POU6F2: variants seen among roughly 807,000 people sequenced by gnomAD.
POU6F2 encodes POU class 6 homeobox 2.
In POU6F2, 31 loss-of-function variants were observed where a neutral mutation model predicts 71.3. That is an observed-to-expected ratio of 0.43 (90% confidence interval 0.33 to 0.59). POU6F2 has a LOEUF of 0.59. POU6F2 is among the 20% of genes least tolerant of loss of function. The probability of loss-of-function intolerance (pLI) is 0.04; values close to 1 mark genes in which losing one functional copy is unlikely to be tolerated. For synonymous variants in POU6F2, 347 were observed against 355.7 expected (o/e 0.98, Z 0.27); for missense variants, 783 against 856.8 (o/e 0.91, Z 1.07).
intron 4 of POU6F2, among the ~76,000 whole-genome samples, chr7:39,238,522 A>G (rs562789308): frequency 6.6e-6 from 1 of 152,326 alleles, no homozygotes; most frequent in South Asian, 2.1e-4. Flanking sequence ...AGAGTTGAAT[A>G]GTTGTAACAA....
At chr7:39,088,184 GA>G (rs1370446018) in intron 2 of POU6F2, among the ~76,000 whole-genome samples, 4 of 152,124 alleles carry the variant, frequency 2.6e-5, no homozygotes, top group Admixed American at 2.6e-4. Flanking sequence ...AGATCAAGAA[GA>G]AAGCAGTAGA....
chr7:39,001,489 T>C (rs1788903116), intron 1 of POU6F2, among the ~76,000 whole-genome samples: 1 of 152,170 alleles, frequency 6.6e-6, no homozygotes, highest in African/African-American at 2.4e-5. Context: ...ATTTGTGGTA[T>C]GCACCAGAAA....
At chr7:39,093,531 T>A (rs921161276) in intron 2 of POU6F2, among the ~76,000 whole-genome samples, 1 of 152,126 alleles carries the variant, frequency 6.6e-6, no homozygotes, top group Non-Finnish European at 1.5e-5. Context: ...TATCCTGCCA[T>A]ATATTGTTTG....
chr7:39,346,543 CA>C (rs1451595879), intron 5 of POU6F2, among the ~76,000 whole-genome samples: 3 of 152,220 alleles, frequency 2.0e-5, no homozygotes, highest in Non-Finnish European at 2.9e-5. Flanking sequence ...CCTAGAGCCA[CA>C]TACACTGTCC....
intron 5 of POU6F2, among the ~76,000 whole-genome samples, chr7:39,370,456 G>A (rs1786585300): frequency 6.6e-6 from 1 of 152,200 alleles, no homozygotes; most frequent in South Asian, 2.1e-4. Context: ...GGGCTCTGAA[G>A]CTCTAGTATA....
At chr7:39,028,297 G>A (rs541705598) in intron 1 of POU6F2, among the ~76,000 whole-genome samples, 2 of 151,820 alleles carry the variant, frequency 1.3e-5, no homozygotes, top group African/African-American at 4.8e-5. Flanking sequence ...TCTGTTGCTG[G>A]GCGGACATTT....
chr7:39,325,953 G>A (rs1417619027), intron 4 of POU6F2, among the ~76,000 whole-genome samples: 2 of 152,096 alleles, frequency 1.3e-5, no homozygotes, highest in African/African-American at 4.8e-5. Context: ...AGTGAATATG[G>A]CTTATGGGTT....
chr7:39,043,512 T>C (rs976880014), intron 1 of POU6F2, among the ~76,000 whole-genome samples: 19 of 150,654 alleles, frequency 1.3e-4, no homozygotes, highest in East Asian at 1.2e-3. Flanking sequence ...ACAGGCAAAA[T>C]TGCATGTGTT....
intron 1 of POU6F2, among the ~76,000 whole-genome samples, chr7:39,057,961 C>A (rs1716746643): frequency 6.6e-6 from 1 of 152,158 alleles, no homozygotes; most frequent in Admixed American, 6.5e-5. Context: ...CTCTTTCTGT[C>A]CACCAGGCTC....
At chr7:39,182,658 TC>T (rs1793456731) in intron 2 of POU6F2, among the ~76,000 whole-genome samples, 1 of 152,180 alleles carries the variant, frequency 6.6e-6, no homozygotes, top group Non-Finnish European at 1.5e-5. Flanking sequence ...ATGTTTCTCC[TC>T]GGTTTAACTC....
At chr7:39,298,939 A>G (rs942659274) in intron 4 of POU6F2, among the ~76,000 whole-genome samples, 1 of 152,180 alleles carries the variant, frequency 6.6e-6, no homozygotes, top group South Asian at 2.1e-4. Flanking sequence ...TCTCACTTGT[A>G]AGTGGGAGTT....
At chr7:39,223,110 A>T (rs553573712) in intron 4 of POU6F2, among the ~76,000 whole-genome samples, 1 of 152,250 alleles carries the variant, frequency 6.6e-6, no homozygotes, top group African/African-American at 2.4e-5. Context: ...GTTTTGTTTT[A>T]TAGTAGCTAT....
In POU6F2 at chr7:39,373,892, A is replaced by C. The variant is rs190311235; in HGVS notation, c.973-32708A>C. On this transcript the variant is annotated intron_variant, in intron 5 of 9. Coordinates refer to ENST00000518318, the MANE Select transcript of POU6F2 (RefSeq NM_001370959.1). ...CATTCCAAAAAGAAGTTTTTTTTCAAAGAAATAATGGATTTTGAAAAATAA... is the reference window on the plus strand; with the variant it reads ...CATTCCAAAAAGAAGTTTTTTTTCACAGAAATAATGGATTTTGAAAAATAA... 7.8e-3 allele frequency among the ~76,000 whole-genome samples: 1,186 copies of C among 152,248 alleles called. 54 individuals carry two copies. The highest frequency in any genetic ancestry group is 0.072 in the Admixed American group (1,102 of 15,292).
intron 5 of POU6F2, among the ~76,000 whole-genome samples, chr7:39,401,219 A>G (rs1044356321): frequency 2.0e-5 from 3 of 152,178 alleles, no homozygotes; most frequent in African/African-American, 7.2e-5. Context: ...CTCAATCTCA[A>G]GCACCCCAGC....
At chr7:38,981,395 T>C (rs1788311968) in intron 1 of POU6F2, among the ~76,000 whole-genome samples, 1 of 152,152 alleles carries the variant, frequency 6.6e-6, no homozygotes, top group Non-Finnish European at 1.5e-5. Flanking sequence ...CTTCTGGCAC[T>C]GCTGTCCCCA....
At chr7:39,060,651 G>A (rs1337137382) in intron 1 of POU6F2, among the ~76,000 whole-genome samples, 1 of 152,186 alleles carries the variant, frequency 6.6e-6, no homozygotes, top group African/African-American at 2.4e-5. Context: ...CAACAATGCT[G>A]TGTAGCTAGA....
At chr7:39,333,090 C>T (rs971275226) in intron 4 of POU6F2, among the ~76,000 whole-genome samples, 3 of 152,146 alleles carry the variant, frequency 2.0e-5, no homozygotes, top group African/African-American at 7.2e-5. Context: ...GGGGACTTGC[C>T]ACCTCTGAGT....
chr7:39,342,606 A>G (rs555732027), intron 5 of POU6F2, among the ~76,000 whole-genome samples: 98 of 152,316 alleles, frequency 6.4e-4, no homozygotes, highest in African/African-American at 2.2e-3. Context: ...TTTTTGCTTT[A>G]AAAACAAAAC....
chr7:39,357,432 G>A lies in POU6F2; in HGVS notation c.972+17417G>A, dbSNP rs118007125. On this transcript the variant is annotated intron_variant, in intron 5 of 9. Transcript: ENST00000518318. ...AGAGGAAGCTGGTAACTCATCAAAA[G>A]TCCCACAGTTTGTAAGAGGTGGAGC... is the stretch of plus-strand genomic sequence containing the variant. 6.6e-4 allele frequency among the ~76,000 whole-genome samples: 100 copies of A among 152,304 alleles called. 2 individuals carry two copies. The East Asian group carries it at 0.017, about 26-fold the overall frequency.
Sources: allele counts gnomAD v4.1 joint callset (sites outside exome capture counted in the v4.1 genomes callset), GRCh38; gene constraint gnomAD v4.1.1; transcripts MANE v1.5; gene names NCBI Gene and HGNC (gene_info 2026-07-23, HGNC 2026-07-21).